The following PPM1A variants were observed in gnomAD, a reference collection of about 807,000 sequenced individuals.
PPM1A encodes the protein protein phosphatase, Mg2+/Mn2+ dependent 1A.
Under a neutral mutation model 35.0 loss-of-function variants are expected in PPM1A, and 7 were observed. The ratio of observed to expected loss-of-function variants is 0.20; its 90% CI spans 0.11 to 0.38. The LOEUF (loss-of-function observed/expected upper bound fraction) is 0.38, where lower values mean the gene tolerates loss of function less well. Ranked by LOEUF, PPM1A falls within the 10% of genes least tolerant of loss-of-function variation. The probability of loss-of-function intolerance (pLI) is 1.00; values close to 1 mark genes in which losing one functional copy is unlikely to be tolerated. For missense variants in PPM1A, 239 were observed against 467.8 expected (o/e 0.51, Z 4.51); for synonymous variants, 153 against 167.3 (o/e 0.91, Z 0.66).
intron 4 of PPM1A, 63 bp from the exon 5 acceptor site, chr14:60,291,334 A>G (rs1887612335): frequency 6.1e-6 from 7 of 1,148,410 alleles, no homozygotes; most frequent in East Asian, 2.6e-5. Flanking sequence ...ACACCTGGCT[A>G]TGAGTTACTA....
At chr14:60,291,285 T>G in intron 4 of PPM1A, 112 bp from the exon 5 acceptor site, 1 of 681,510 alleles carries the variant, frequency 1.5e-6, no homozygotes, top group Admixed American at 3.3e-5. Context: ...AGAACTAAAA[T>G]AATATCTGAG....
rs1887181852 is a variant in PPM1A at position 60,287,759 on chromosome 14, A to G, written c.952+2018A>G. 3 of 982,404 alleles carry G rather than the reference A, an allele frequency of 3.1e-6. No individual in the cohort carries two copies. In the Admixed American group the frequency reaches 1.8e-4, roughly 60 times the overall value. The allele number at this position is 982,404 out of a possible 1,614,324, so 60.9% of individuals were successfully genotyped here. On this transcript the variant is annotated intron_variant, in intron 3 of 5. Transcript: ENST00000395076. ...GGGGTGTGAAAAGATTCAGCTCATA[A>G]TTTATACTACTATTAATTTTGTGGT... is the stretch of plus-strand genomic sequence containing the variant.
Position 60,249,577 on chromosome 14 carries a change from C to G in PPM1A, c.-121C>G. 7 of 987,026 alleles carry G rather than the reference C, an allele frequency of 7.1e-6. No individual in the cohort carries two copies. The highest frequency in any genetic ancestry group is 8.4e-6 in the Non-Finnish European group (7 of 831,066). 61.1% of individuals were successfully genotyped at this position (987,026 alleles called of 1,614,324 possible). On this transcript the variant is annotated 5_prime_UTR_variant, in exon 1 of 6. Transcript: ENST00000395076. The surrounding 1 kb of genome is among the most constrained non-coding windows in gnomAD (Gnocchi z 4.5). The stretch of plus-strand genomic sequence containing the variant: ...TGGCCCGCCGCTGCAGCGGTGACCC[C>G]TCCCCCGGCTGCCGCCGTCGCCGCC...
At chr14:60,281,436 C>T (rs1015831720) in intron 1 of PPM1A, among the ~76,000 whole-genome samples, 21 of 152,212 alleles carry the variant, frequency 1.4e-4, no homozygotes, top group African/African-American at 3.9e-4. Context: ...TCTTCTTGCC[C>T]TTTTTCTCCC....
intron 1 of PPM1A, among the ~76,000 whole-genome samples, chr14:60,268,718 TTAA>T (rs1884701852): frequency 6.6e-6 from 1 of 151,826 alleles, no homozygotes; most frequent in Non-Finnish European, 1.5e-5. Context: ...GTGAGGTTTC[TTAA>T]TAAGGTTTGG....
At position 60,298,586 on chromosome 14, in the gene PPM1A, A is replaced by G. The variant is rs2139627399; in HGVS notation, c.*6104A>G. 6.6e-6 allele frequency: 1 copy of G among 151,894 alleles called. No homozygotes were observed. The highest frequency in any genetic ancestry group is 3.4e-3 in the Middle Eastern group (1 of 294). The allele number at this position is 151,894 out of a possible 1,614,324, so 9.4% of individuals were successfully genotyped here. A position where few individuals can be genotyped will look rare whatever the true frequency, so the allele number is the denominator to read the frequency against. On this transcript the variant is annotated 3_prime_UTR_variant, in exon 6 of 6. Transcript: ENST00000395076. The stretch of plus-strand genomic sequence containing the variant: ...CATTATCTTACCTGGTTATCCCTTG[A>G]CTAAATAGCATATCTGCAGGAAAAT...
In PPM1A at chr14:60,263,765, A is replaced by C. The variant is rs1884047858; in HGVS notation, c.-21+14088A>C. Among the ~76,000 whole-genome samples the C allele has an allele frequency of 2.0e-5, 3 of 152,124 alleles. No homozygotes were observed. The South Asian group carries it at 6.2e-4, about 31-fold the overall frequency. Reference sequence around the variant, plus strand: ...TATTTTTCGTTAGTTTTCAAAAAATACCTTGTTGGGCATTTTGTCCATAGA... The same window carrying C: ...TATTTTTCGTTAGTTTTCAAAAAATCCCTTGTTGGGCATTTTGTCCATAGA... On this transcript the variant is annotated intron_variant, in intron 1 of 5. Coordinates refer to ENST00000395076, the MANE Select transcript of PPM1A (RefSeq NM_021003.5).
At chr14:60,279,144 G>A (rs1038688098) in intron 1 of PPM1A, among the ~76,000 whole-genome samples, 2 of 152,000 alleles carry the variant, frequency 1.3e-5, no homozygotes, top group African/African-American at 4.8e-5. Context: ...TTGAGACGTT[G>A]TTTCGCTCTT....
intron 1 of PPM1A, among the ~76,000 whole-genome samples, chr14:60,281,743 C>T (rs897437242): frequency 9.9e-5 from 15 of 152,074 alleles, no homozygotes; most frequent in African/African-American, 2.7e-4. Flanking sequence ...TCTAGACCAG[C>T]GGGTGTTAAC....
intron 1 of PPM1A, among the ~76,000 whole-genome samples, chr14:60,259,888 C>T (rs1883551037): frequency 6.6e-6 from 1 of 151,810 alleles, no homozygotes. Flanking sequence ...GTAATACATG[C>T]CTTTATAGAA....
At chr14:60,290,660 A>G (rs550648745) in intron 4 of PPM1A, among the ~76,000 whole-genome samples, 1 of 152,270 alleles carries the variant, frequency 6.6e-6, no homozygotes, top group Admixed American at 6.5e-5. Flanking sequence ...CTTACAGTGA[A>G]GATATATTAT....
At chr14:60,250,451 T>C (rs983698725) in intron 1 of PPM1A, 28 of 983,850 alleles carry the variant, frequency 2.8e-5, no homozygotes, top group Non-Finnish European at 3.1e-5. Flanking sequence ...ACTGCAGTTT[T>C]AGATACGTTT....
rs190084992 is a variant in PPM1A, at chr14:60,292,134, G to A, written c.1120-319G>A. ...GATGCATTAAAGGTTTATAAAAGTG[G>A]TATTCTAAAACTGTATTGGATTTCA... On this transcript the variant is annotated intron_variant, in intron 5 of 5. Coordinates refer to ENST00000395076, the MANE Select transcript of PPM1A (RefSeq NM_021003.5). This position sits in a 1 kb window ranked among gnomAD's most constrained non-coding sequence, Gnocchi z 4.2. Among the ~76,000 whole-genome samples, 160 of 152,012 alleles carry A rather than the reference G, an allele frequency of 1.1e-3. 1 individual carries two copies. The highest frequency in any genetic ancestry group is 3.8e-3 in the African/African-American group (158 of 41,452).
intron 1 of PPM1A, chr14:60,276,913 T>G: frequency 5.3e-6 from 2 of 377,016 alleles, no homozygotes; most frequent in Non-Finnish European, 8.0e-6. Flanking sequence ...ATTTTTCAGT[T>G]TAGGGATTAG....
intron 3 of PPM1A, 139 bp downstream of exon 3, chr14:60,285,880 C>T: frequency 7.0e-7 from 1 of 1,432,590 alleles, no homozygotes; most frequent in Non-Finnish European, 9.2e-7. Flanking sequence ...AAGGACATTT[C>T]TGTAGTAGCT....
At chr14:60,250,051 C>T (rs1258529610) in intron 1 of PPM1A, among the ~76,000 whole-genome samples, 2 of 151,290 alleles carry the variant, frequency 1.3e-5, no homozygotes, top group Non-Finnish European at 3.0e-5. Context: ...GGGGAGGGGG[C>T]GTCCCCGCGC....
At chr14:60,264,821 CTG>C (rs1378329526) in intron 1 of PPM1A, among the ~76,000 whole-genome samples, 3 of 152,028 alleles carry the variant, frequency 2.0e-5, no homozygotes, top group African/African-American at 7.2e-5. Context: ...AATATTCAGG[CTG>C]TCTCTCTAAT....
intron 1 of PPM1A, among the ~76,000 whole-genome samples, chr14:60,254,251 G>A (rs1304081803): frequency 7.1e-6 from 1 of 140,546 alleles, no homozygotes; most frequent in African/African-American, 3.0e-5. Context: ...AGTTTAGAGA[G>A]CTTGCATTTG....
At chr14:60,271,051 C>T (rs142696852) in intron 1 of PPM1A, among the ~76,000 whole-genome samples, 10 of 152,298 alleles carry the variant, frequency 6.6e-5, no homozygotes, top group African/African-American at 2.4e-4. Flanking sequence ...CACGGTGTCA[C>T]CAAGAATGTG....
Sources: gnomAD v4.1 joint callset for allele counts (sites outside exome capture counted in the v4.1 genomes callset) on GRCh38, gnomAD v4.1.1 for gene constraint, Gnocchi (gnomAD v3.1) non-coding constraint, MANE v1.5 for transcripts, NCBI Gene and HGNC (gene_info 2026-07-23, HGNC 2026-07-21) for gene names.